The following GRIA1 variants were observed in gnomAD, a reference collection of about 807,000 sequenced individuals.
The protein encoded by GRIA1 is glutamate receptor 1.
GRIA1 carries 31 observed loss-of-function variants against 99.2 expected under a neutral mutation model. The ratio of observed to expected loss-of-function variants is 0.31; its 90% CI spans 0.23 to 0.42. The LOEUF is 0.42. GRIA1 is among the 10% of genes least tolerant of loss of function. The probability of loss-of-function intolerance (pLI) is 1.00; values close to 1 mark genes in which losing one functional copy is unlikely to be tolerated. For synonymous variants in GRIA1, 438 were observed against 432.4 expected, an observed-to-expected ratio of 1.01 and a Z score of -0.16; for missense variants, 782 against 1,157.5, an observed-to-expected ratio of 0.68 and a Z score of 4.71.
intron 12 of GRIA1, among the ~76,000 whole-genome samples, chr5:153,765,499 G>A (rs1393661430): frequency 2.0e-5 from 3 of 152,100 alleles, no homozygotes; most frequent in Admixed American, 6.5e-5. Flanking sequence ...GGGTAGACGT[G>A]TAAACATTTA....
chr5:153,594,180 A>G (rs2149389475), intron 2 of GRIA1, among the ~76,000 whole-genome samples: 1 of 152,294 alleles, frequency 6.6e-6, no homozygotes, highest in Admixed American at 6.5e-5. Context: ...TCTAACTTCA[A>G]GACAATCGCC....
chr5:153,499,164 A>T (rs1754720817), intron 2 of GRIA1, among the ~76,000 whole-genome samples: 1 of 152,192 alleles, frequency 6.6e-6, no homozygotes, highest in Non-Finnish European at 1.5e-5. Context: ...AAGTTTTATA[A>T]CTGTCTTGAA....
intron 11 of GRIA1, among the ~76,000 whole-genome samples, chr5:153,711,920 T>A (rs575571196): frequency 6.6e-6 from 1 of 152,300 alleles, no homozygotes; most frequent in South Asian, 2.1e-4. Context: ...TGAATTGGAA[T>A]GTGTAATAAT....
Position 153,500,701 on chromosome 5 carries a change from C to T in GRIA1, c.220+6636C>T, listed in dbSNP as rs1754932679. Among the ~76,000 whole-genome samples, 3 of 148,670 alleles carry T rather than the reference C, an allele frequency of 2.0e-5. No individual in the cohort carries two copies. The South Asian group carries it at 6.4e-4, about 32-fold the overall frequency. The stretch of plus-strand genomic sequence containing the variant: ...CCTTTAGTTGGAGGGATTTAGGTTT[C>T]ATAAAACAAGGACATTTGAGTTGAA... On this transcript the variant is annotated intron_variant, in intron 2 of 15. Coordinates refer to ENST00000285900, the MANE Select transcript of GRIA1 (RefSeq NM_000827.4).
At chr5:153,709,938 G>A (rs917949110) in intron 11 of GRIA1, among the ~76,000 whole-genome samples, 1 of 152,154 alleles carries the variant, frequency 6.6e-6, no homozygotes, top group Non-Finnish European at 1.5e-5. Flanking sequence ...TGGCCACTGT[G>A]CCTAAAATCA....
At chr5:153,557,404 A>G (rs1271959064) in intron 2 of GRIA1, among the ~76,000 whole-genome samples, 3 of 152,298 alleles carry the variant, frequency 2.0e-5, no homozygotes, top group African/African-American at 2.4e-5. Context: ...AGCTGGGATT[A>G]CAGGCACCTG....
intron 11 of GRIA1, among the ~76,000 whole-genome samples, chr5:153,728,262 C>A (rs1324842743): frequency 6.6e-6 from 1 of 151,642 alleles, no homozygotes; most frequent in African/African-American, 2.4e-5. Flanking sequence ...AAACGTTAGA[C>A]CTAAAACCAT....
chr5:153,531,732 A>T (rs1280458454), intron 2 of GRIA1, among the ~76,000 whole-genome samples: 1 of 152,226 alleles, frequency 6.6e-6, no homozygotes, highest in African/African-American at 2.4e-5. Flanking sequence ...TAGAGATAGC[A>T]GTAGTGGTCA....
At chr5:153,788,775 C>A (rs1765128747) in intron 13 of GRIA1, among the ~76,000 whole-genome samples, 1 of 152,172 alleles carries the variant, frequency 6.6e-6, no homozygotes, top group Non-Finnish European at 1.5e-5. Context: ...CACATAGTAG[C>A]TGTTCAGCTA....
At chr5:153,574,745 A>G (rs1314532976) in intron 2 of GRIA1, among the ~76,000 whole-genome samples, 1 of 152,046 alleles carries the variant, frequency 6.6e-6, no homozygotes. Context: ...ATATAGGAGA[A>G]ATTATTATAA....
rs528853251 is a variant in GRIA1, at chr5:153,600,872, T to C, written c.221-46056T>C. The stretch of plus-strand genomic sequence containing the variant: ...TGTTTATTTCAAGTTTAACTGTAGC[T>C]TCAGCTGTCAGAGCAGCATCACATC... On this transcript the variant is annotated intron_variant, in intron 2 of 15. Transcript: ENST00000285900. Among the ~76,000 whole-genome samples the C allele has an allele frequency of 8.5e-5, 13 of 152,356 alleles. No individual in the cohort carries two copies. In the South Asian group the frequency reaches 2.7e-3, roughly 32 times the overall value.
chr5:153,575,627 G>A (rs1762464882), intron 2 of GRIA1, among the ~76,000 whole-genome samples: 1 of 152,182 alleles, frequency 6.6e-6, no homozygotes, highest in Admixed American at 6.5e-5. Context: ...TGCCTTCCCA[G>A]GCAGAACTGG....
chr5:153,799,531 G>A (rs576945351), intron 14 of GRIA1, among the ~76,000 whole-genome samples: 1 of 152,328 alleles, frequency 6.6e-6, no homozygotes, highest in East Asian at 1.9e-4. Context: ...ACCAACACCA[G>A]TCCTTCATCC....
intron 12 of GRIA1, 127 bp downstream of exon 12, chr5:153,764,759 A>G: frequency 1.5e-6 from 1 of 652,884 alleles, no homozygotes; most frequent in South Asian, 1.9e-5. Flanking sequence ...ACTGTAAGTC[A>G]GGGAAACTCA....
At chr5:153,778,567 T>C (rs1449245937) in intron 13 of GRIA1, among the ~76,000 whole-genome samples, 1 of 151,822 alleles carries the variant, frequency 6.6e-6, no homozygotes, top group Non-Finnish European at 1.5e-5. Flanking sequence ...TAGGCAAGAA[T>C]GCCCTCTCAA....
intron 11 of GRIA1, among the ~76,000 whole-genome samples, chr5:153,739,799 A>G (rs1761651202): frequency 6.6e-6 from 1 of 152,238 alleles, no homozygotes; most frequent in Non-Finnish European, 1.5e-5. Context: ...AAGATTTATG[A>G]TATCTCTGGA....
chr5:153,750,786 A>G (rs912034492), intron 11 of GRIA1, among the ~76,000 whole-genome samples: 5 of 152,110 alleles, frequency 3.3e-5, no homozygotes, highest in African/African-American at 1.2e-4. Flanking sequence ...GAGTACAACC[A>G]TTACTCCATT....
At chr5:153,744,489 T>A (rs1347244746) in intron 11 of GRIA1, among the ~76,000 whole-genome samples, 1 of 152,230 alleles carries the variant, frequency 6.6e-6, no homozygotes. Context: ...AATGATCCCT[T>A]GTGCAATCAT....
intron 1 of GRIA1, among the ~76,000 whole-genome samples, chr5:153,491,584 T>C (rs1753922093): frequency 6.6e-6 from 1 of 152,126 alleles, no homozygotes; most frequent in Non-Finnish European, 1.5e-5. Context: ...TCTGCCATGC[T>C]GCGCTGGTGG....
Sources: gnomAD v4.1 joint callset for allele counts (sites outside exome capture counted in the v4.1 genomes callset) on GRCh38, gnomAD v4.1.1 for gene constraint, MANE v1.5 for transcripts, NCBI Gene and HGNC (gene_info 2026-07-23, HGNC 2026-07-21) for gene names.